Variants in RPS6KC1 observed in about 807,000 individuals in gnomAD.
The protein encoded by RPS6KC1 is ribosomal protein S6 kinase C1, also known as inactive ribosomal protein S6 kinase delta-1.
A neutral mutation model predicts 103.8 loss-of-function variants in RPS6KC1; 54 were observed. That is an observed-to-expected ratio of 0.52 (90% CI 0.42 to 0.65). The LOEUF is 0.65. RPS6KC1 is among the 30% of genes least tolerant of loss of function. The pLI is 0.00. For synonymous variants in RPS6KC1, 439 were observed against 438.7 expected, an observed-to-expected ratio of 1.00 and a Z score of -0.01; for missense variants, 1,151 against 1,253.8, an observed-to-expected ratio of 0.92 and a Z score of 1.24.
At chr1:213,483,067 C>T in the RPS6KC1 span, among the ~76,000 whole-genome samples, 6 of 152,112 alleles carry the variant, frequency 3.9e-5, no homozygotes, top group Non-Finnish European at 8.8e-5. Context: ...ACATTTTAAG[C>T]AAAATTTTAA....
At chr1:213,633,549 C>G in the RPS6KC1 span, among the ~76,000 whole-genome samples, 9 of 151,972 alleles carry the variant, frequency 5.9e-5, no homozygotes, top group African/African-American at 2.2e-4. Context: ...CTGAAGTAAG[C>G]ACTAAACATG....
chr1:213,506,144 G>A, the RPS6KC1 span, among the ~76,000 whole-genome samples: 2 of 152,120 alleles, frequency 1.3e-5, no homozygotes, highest in Non-Finnish European at 2.9e-5. Flanking sequence ...ATGCTTGATG[G>A]GGACCATCTT....
chr1:213,635,919 G>A, the RPS6KC1 span, among the ~76,000 whole-genome samples: 10,960 of 152,234 alleles, frequency 0.072, 662 homozygotes, highest in East Asian at 0.29. Flanking sequence ...CTTCAGCAAA[G>A]TCTCAGGATA....
chr1:213,379,727 A>G, the RPS6KC1 span, among the ~76,000 whole-genome samples: 1 of 152,064 alleles, frequency 6.6e-6, no homozygotes, highest in African/African-American at 2.4e-5. Context: ...AGGCAACTGG[A>G]GCAGCTGCTT....
At chr1:213,674,313 C>G in the RPS6KC1 span, among the ~76,000 whole-genome samples, 1 of 152,318 alleles carries the variant, frequency 6.6e-6, no homozygotes, top group African/African-American at 2.4e-5. Context: ...GCCACTGCAC[C>G]TGGCTTGTAC....
the RPS6KC1 span, among the ~76,000 whole-genome samples, chr1:213,757,374 T>C: frequency 6.6e-6 from 1 of 152,172 alleles, no homozygotes; most frequent in African/African-American, 2.4e-5. Context: ...CAAAATGGCG[T>C]GATTGCTGAG....
the RPS6KC1 span, among the ~76,000 whole-genome samples, chr1:213,612,198 G>A: frequency 6.6e-6 from 1 of 152,222 alleles, no homozygotes; most frequent in African/African-American, 2.4e-5. Flanking sequence ...GCCCAGCAAT[G>A]TGTGTTTAAC....
the RPS6KC1 span, among the ~76,000 whole-genome samples, chr1:213,455,102 C>A: frequency 6.6e-6 from 1 of 152,116 alleles, no homozygotes; most frequent in Non-Finnish European, 1.5e-5. Flanking sequence ...CTCCCAGAAC[C>A]TTAAGAATTT....
chr1:213,405,693 T>C, the RPS6KC1 span, among the ~76,000 whole-genome samples: 2 of 152,216 alleles, frequency 1.3e-5, no homozygotes, highest in Admixed American at 6.5e-5. Flanking sequence ...CTCGGATGAA[T>C]GTTTGACAAG....
chr1:213,455,229 G>A, the RPS6KC1 span, among the ~76,000 whole-genome samples: 2 of 152,216 alleles, frequency 1.3e-5, no homozygotes, highest in Non-Finnish European at 2.9e-5. Context: ...CAAGGAGGTG[G>A]AGGGAGAGTG....
chr1:213,443,444 T>C, the RPS6KC1 span, among the ~76,000 whole-genome samples: 2 of 152,224 alleles, frequency 1.3e-5, no homozygotes, highest in East Asian at 1.9e-4. Context: ...TGCTATCTAT[T>C]GGACAAACTC....
intron 12 of RPS6KC1, among the ~76,000 whole-genome samples, chr1:213,259,813 A>T (rs1238831074): frequency 7.6e-6 from 1 of 132,060 alleles, no homozygotes; most frequent in African/African-American, 2.9e-5. Flanking sequence ...CTCTCAGCTC[A>T]CCGCAACCTC....
At chr1:213,692,689 G>A in the RPS6KC1 span, among the ~76,000 whole-genome samples, 4 of 152,134 alleles carry the variant, frequency 2.6e-5, no homozygotes, top group African/African-American at 9.7e-5. Flanking sequence ...ACTGTCCCTA[G>A]AAGGTCATAT....
chr1:213,400,708 T>C, the RPS6KC1 span, among the ~76,000 whole-genome samples: 1 of 150,770 alleles, frequency 6.6e-6, no homozygotes, highest in South Asian at 2.1e-4. Flanking sequence ...TTTTTCTTTC[T>C]CTCTTTTTTT....
chr1:213,833,870 T>C, the RPS6KC1 span, among the ~76,000 whole-genome samples: 1 of 152,180 alleles, frequency 6.6e-6, no homozygotes, highest in African/African-American at 2.4e-5. Flanking sequence ...ATTTACACCA[T>C]ATTTGTTTTT....
At chr1:213,721,710 C>T in the RPS6KC1 span, among the ~76,000 whole-genome samples, 1 of 152,220 alleles carries the variant, frequency 6.6e-6, no homozygotes, top group Admixed American at 6.5e-5. Context: ...CTCTGCCTGC[C>T]TTCTATCCTA....
chr1:213,091,486 T>C (rs978557414), intron 3 of RPS6KC1, among the ~76,000 whole-genome samples: 2 of 152,246 alleles, frequency 1.3e-5, no homozygotes, highest in African/African-American at 4.8e-5. Context: ...AATGAACCTT[T>C]TGTACTTTGT....
At chr1:213,659,889 A>C in the RPS6KC1 span, among the ~76,000 whole-genome samples, 1 of 152,214 alleles carries the variant, frequency 6.6e-6, no homozygotes, top group South Asian at 2.1e-4. Context: ...TATCATCTAC[A>C]TTCCTTGTTT....
intron 4 of RPS6KC1, among the ~76,000 whole-genome samples, chr1:213,116,821 T>C (rs2083697461): frequency 6.6e-6 from 1 of 152,042 alleles, no homozygotes; most frequent in Non-Finnish European, 1.5e-5. Flanking sequence ...AAGCTTAGTT[T>C]GGCTGGATAT....
Sources: gnomAD v4.1 joint callset for allele counts (sites outside exome capture counted in the v4.1 genomes callset) on GRCh38, gnomAD v4.1.1 for gene constraint, MANE v1.5 for transcripts, NCBI Gene and HGNC (gene_info 2026-07-23, HGNC 2026-07-21) for gene names.